UBTD2: variants seen among roughly 807,000 people sequenced by gnomAD.
UBTD2 encodes ubiquitin domain containing 2.
UBTD2 carries 9 observed loss-of-function variants against 19.8 expected under a neutral mutation model. That is an observed-to-expected ratio of 0.46 (90% CI 0.27 to 0.79). The LOEUF (loss-of-function observed/expected upper bound fraction) is 0.79. UBTD2 is among the 30% of genes least tolerant of loss of function. The pLI is 0.14. For synonymous variants in UBTD2, 98 were observed against 103.9 expected (o/e 0.94, Z 0.35); for missense variants, 250 against 300.4 (o/e 0.83, Z 1.24).
chr5:172,259,161 G>A (rs1000908907), intron 1 of UBTD2, among the ~76,000 whole-genome samples: 1 of 150,968 alleles, frequency 6.6e-6, no homozygotes, highest in Non-Finnish European at 1.5e-5. Context: ...TGTTTTTTTT[G>A]AGACAGAGTC....
chr5:172,232,452 C>T (rs1192854200), intron 2 of UBTD2, among the ~76,000 whole-genome samples: 1 of 151,828 alleles, frequency 6.6e-6, no homozygotes, highest in African/African-American at 2.4e-5. Flanking sequence ...GAAGACTATG[C>T]TAATAAACTT....
intron 1 of UBTD2, among the ~76,000 whole-genome samples, chr5:172,264,138 G>A (rs1755326496): frequency 6.6e-6 from 1 of 151,966 alleles, no homozygotes; most frequent in Admixed American, 6.6e-5. Context: ...AAATGCAGTG[G>A]CTCAATTACA....
Position 172,212,219 on chromosome 5 carries a change from T to G in UBTD2, c.316A>C (p.Thr106Pro). The G allele has an allele frequency of 6.3e-7, 1 of 1,590,400 alleles. No homozygotes were observed. The highest frequency in any genetic ancestry group is 8.6e-7 in the Non-Finnish European group (1 of 1,164,734). The change falls in exon 3 of 3, where the codon ACA (threonine) becomes CCA (proline). Residue 106 changes from threonine (T) to proline (P), a missense_variant. By Grantham distance (38) the Thr-to-Pro change is conservative. Coordinates refer to ENST00000393792, the MANE Select transcript of UBTD2 (RefSeq NM_152277.3). ...ANITLPHGALTECYDELGNRY... is the reference protein window; with the variant it reads ...ANITLPHGALPECYDELGNRY... ...TTCCCCAGTTCATCGTAGCACTCTG[T>G]AAGTGCACCTTCAGAAAGAGAAGAT...
At chr5:172,221,163 A>C (rs1277831271) in intron 2 of UBTD2, among the ~76,000 whole-genome samples, 1 of 152,200 alleles carries the variant, frequency 6.6e-6, no homozygotes, top group Admixed American at 6.5e-5. Context: ...TCAAGATGTC[A>C]GTTCTTCCCA....
At chr5:172,227,456 A>C (rs1263379140) in intron 2 of UBTD2, among the ~76,000 whole-genome samples, 1 of 152,118 alleles carries the variant, frequency 6.6e-6, no homozygotes, top group Non-Finnish European at 1.5e-5. Context: ...TCCAGCAAAA[A>C]TCCCATCTCC....
intron 1 of UBTD2, among the ~76,000 whole-genome samples, chr5:172,276,958 A>C (rs778122604): frequency 5.7e-4 from 85 of 149,616 alleles, no homozygotes; most frequent in Non-Finnish European, 1.1e-3. Flanking sequence ...AATCCCAGCT[A>C]TTCGGGAGGC....
chr5:172,234,991 G>GT (rs1421336437), intron 1 of UBTD2, among the ~76,000 whole-genome samples: 1 of 152,130 alleles, frequency 6.6e-6, no homozygotes, highest in African/African-American at 2.4e-5. Flanking sequence ...TGATAATCAG[G>GT]GAAAGGAGGC....
At chr5:172,213,940 C>T (rs1771497561) in intron 2 of UBTD2, among the ~76,000 whole-genome samples, 1 of 152,186 alleles carries the variant, frequency 6.6e-6, no homozygotes, top group Admixed American at 6.5e-5. Flanking sequence ...GCATGCGCCA[C>T]CACGTCCAGC....
intron 1 of UBTD2, among the ~76,000 whole-genome samples, chr5:172,241,969 G>A (rs1473045764): frequency 3.9e-5 from 6 of 152,360 alleles, no homozygotes; most frequent in Admixed American, 6.5e-5. Flanking sequence ...AGTGAGCTGC[G>A]ATCGTGCAAC....
At chr5:172,241,937 G>A (rs547367035) in intron 1 of UBTD2, among the ~76,000 whole-genome samples, 239 of 152,376 alleles carry the variant, frequency 1.6e-3, no homozygotes, top group Non-Finnish European at 2.8e-3. Context: ...AGGATCACTA[G>A]AGCCTGGGAG....
intron 1 of UBTD2, among the ~76,000 whole-genome samples, chr5:172,266,392 A>T (rs1356529044): frequency 6.6e-6 from 1 of 152,164 alleles, no homozygotes; most frequent in East Asian, 1.9e-4. Flanking sequence ...AGATTTTTAA[A>T]AACACAGCAG....
intron 1 of UBTD2, among the ~76,000 whole-genome samples, chr5:172,249,796 T>G (rs1023690364): frequency 6.6e-6 from 1 of 152,234 alleles, no homozygotes; most frequent in Non-Finnish European, 1.5e-5. Flanking sequence ...TATGTCACAT[T>G]AATAGAATTA....
At chr5:172,276,566 A>C (rs936087492) in intron 1 of UBTD2, among the ~76,000 whole-genome samples, 1 of 152,172 alleles carries the variant, frequency 6.6e-6, no homozygotes, top group Non-Finnish European at 1.5e-5. Context: ...TCAGTTTACA[A>C]ACTGAGCTGG....
At chr5:172,246,332 G>A (rs184135981) in intron 1 of UBTD2, among the ~76,000 whole-genome samples, 25 of 151,776 alleles carry the variant, frequency 1.6e-4, no homozygotes, top group Admixed American at 6.6e-4. Context: ...AAAAAAAACC[G>A]GAGGGAACAA....
At chr5:172,252,681 A>C (rs1755048695) in intron 1 of UBTD2, among the ~76,000 whole-genome samples, 2 of 152,110 alleles carry the variant, frequency 1.3e-5, no homozygotes, top group Admixed American at 1.3e-4. Context: ...GAGAAATTCT[A>C]ATGTTAAGAG....
intron 2 of UBTD2, among the ~76,000 whole-genome samples, chr5:172,216,625 A>AG (rs1312923804): frequency 8.0e-6 from 1 of 124,584 alleles, no homozygotes; most frequent in Non-Finnish European, 1.7e-5. Flanking sequence ...AAAAAGCCAG[A>AG]GGGGGGAAAA....
intron 1 of UBTD2, among the ~76,000 whole-genome samples, chr5:172,258,181 C>A (rs187940045): frequency 1.3e-5 from 2 of 152,182 alleles, no homozygotes; most frequent in Non-Finnish European, 2.9e-5. Context: ...TTGTAGATGG[C>A]GAAAAGAAGG....
intron 1 of UBTD2, among the ~76,000 whole-genome samples, chr5:172,245,605 G>A (rs1229905762): frequency 6.6e-6 from 1 of 152,034 alleles, no homozygotes; most frequent in Non-Finnish European, 1.5e-5. Context: ...CCAGCTACTT[G>A]GGTAGCTGAG....
intron 1 of UBTD2, among the ~76,000 whole-genome samples, chr5:172,265,609 G>A (rs1467004209): frequency 2.6e-5 from 4 of 152,150 alleles, no homozygotes; most frequent in East Asian, 3.8e-4. Context: ...GATTACAGGC[G>A]TGAGCCACCG....
Sources: allele counts gnomAD v4.1 joint callset (sites outside exome capture counted in the v4.1 genomes callset), GRCh38; gene constraint gnomAD v4.1.1; transcripts MANE v1.5; gene names NCBI Gene and HGNC (gene_info 2026-07-23, HGNC 2026-07-21).